The following SLFNL1 variants were observed in gnomAD, a reference collection of about 807,000 sequenced individuals.
SLFNL1 encodes schlafen-like protein 1.
Under a neutral mutation model 32.5 loss-of-function variants are expected in SLFNL1, and 26 were observed. The observed-to-expected ratio is 0.80, with a 90% CI of 0.59 to 1.11. The LOEUF is 1.11. SLFNL1 is among the 50% of genes least tolerant of loss of function. SLFNL1 has a pLI of 0.00. For missense variants in SLFNL1, 553 were observed against 546.5 expected (o/e 1.01, Z -0.12); for synonymous variants, 255 against 242.2 (o/e 1.05, Z -0.49).
chr1:41,020,502 A>G lies in SLFNL1; in HGVS notation c.159T>C (p.His53=). ...APSAHTLYVG[H]LNPQFSVPVL... ...CCGGCACTGAGAACTGGGGGTTCAGATGGCCCACATAGAGAGTGTGCGCCG... is the reference window on the plus strand; with the variant it reads ...CCGGCACTGAGAACTGGGGGTTCAGGTGGCCCACATAGAGAGTGTGCGCCG... The change falls in exon 3 of 6, where the codon CAT becomes CAC. Residue 53 remains histidine (H), a synonymous_variant. Coordinates refer to ENST00000302946, the MANE Select transcript of SLFNL1 (RefSeq NM_144990.4). 6.2e-7 allele frequency: 1 copy of G among 1,613,468 alleles called. No individual in the cohort carries two copies. The highest frequency in any genetic ancestry group is 8.5e-7 in the Non-Finnish European group (1 of 1,180,020).
chr1:41,017,543 G>T lies in SLFNL1; in HGVS notation c.957+92C>A. ...TCCTGTGGCCCCCAGTCCCGTCCCT[G>T]CCCCAGCACTGCCTGGCAGGAGTGC... On this transcript the variant is annotated intron_variant, in intron 4 of 5. Coordinates refer to ENST00000302946, the MANE Select transcript of SLFNL1 (RefSeq NM_144990.4). This position sits in a 1 kb window ranked among gnomAD's most constrained non-coding sequence, Gnocchi z 4.9. 6.7e-7 allele frequency: 1 copy of T among 1,495,212 alleles called. No individual in the cohort carries two copies. The highest frequency in any genetic ancestry group is 8.9e-7 in the Non-Finnish European group (1 of 1,121,974). The allele number at this position is 1,495,212 out of a possible 1,614,324, so 92.6% of individuals were successfully genotyped here. A position where few individuals can be genotyped will look rare whatever the true frequency, so the allele number is the denominator to read the frequency against.
At position 41,017,370 on chromosome 1, in the gene SLFNL1, C is replaced by T. The variant is rs147417110; in HGVS notation, c.965G>A (p.Arg322His). ...SETSVPLKVI[R>H]LTVHTPKAQS... ...GGCCTTGGGGGTGTGCACGGTCAGG[C>T]GGATCACCTTGGTAGGGGCAACAGC... is the stretch of plus-strand genomic sequence containing the variant. The change falls in exon 5 of 6, where the codon CGC becomes CAC. Residue 322 changes from arginine (R) to histidine (H), a missense_variant. Coordinates refer to ENST00000302946, the MANE Select transcript of SLFNL1 (RefSeq NM_144990.4). This position sits in a 1 kb window ranked among gnomAD's most constrained non-coding sequence, Gnocchi z 4.9. The T allele has an allele frequency of 1.7e-4, 275 of 1,612,740 alleles. No individual in the cohort carries two copies. Among genetic ancestry groups the T allele is most frequent in the Non-Finnish European group, 2.1e-4 (242 of 1,179,576 alleles).
rs1643741214 is a variant in SLFNL1, at chr1:41,020,358, G to A, written c.303C>T (p.His101=). The change falls in exon 3 of 6, where the codon CAC becomes CAT. Residue 101 remains histidine (H), a synonymous_variant. Coordinates refer to ENST00000302946, the MANE Select transcript of SLFNL1 (RefSeq NM_144990.4). ...AGGGGAGGGAGGCCAGGGTGTCCCT[G>A]TGGACAGTCACCTGCACCAGTGCAT... ...KAYALVQVTV[H]RDTLASLPWR... is the part of the protein sequence containing the mutation. 1.2e-6 allele frequency: 2 copies of A among 1,613,468 alleles called. No individual in the cohort carries two copies. The highest frequency in any genetic ancestry group is 4.5e-5 in the East Asian group (2 of 44,872).
chr1:41,016,139 G>T lies in SLFNL1; in HGVS notation c.1191C>A (p.His397Gln), dbSNP rs200527951. 1 of 1,614,144 alleles carries T rather than the reference G, an allele frequency of 6.2e-7. No individual in the cohort carries two copies. The highest frequency in any genetic ancestry group is 8.5e-7 in the Non-Finnish European group (1 of 1,179,988). Reference sequence around the variant, plus strand: ...CACAGCAGGTGCAGGACACAGGCCCGTGCTGCTGCAGCTGCTGCTGGAGCT... The same window carrying T: ...CACAGCAGGTGCAGGACACAGGCCCTTGCTGCTGCAGCTGCTGCTGGAGCT... ...KEQLQQQLQQ[H>Q]GPVSCTCCVL Residue 397 changes from histidine to glutamine, a missense_variant, in exon 6 of 6, where the codon CAC becomes CAA. Transcript: ENST00000302946.
chr1:41,018,567 A>G (rs1442012049), intron 3 of SLFNL1, among the ~76,000 whole-genome samples: 1 of 152,180 alleles, frequency 6.6e-6, no homozygotes, highest in Non-Finnish European at 1.5e-5. Flanking sequence ...ACAGAGCTGC[A>G]GTACCCTGAA....
chr1:41,020,077 TG>T, intron 3 of SLFNL1, 148 bp downstream of exon 3: 1 of 781,434 alleles, frequency 1.3e-6, no homozygotes, highest in Non-Finnish European at 2.0e-6. Context: ...CCGCAAGCCA[TG>T]GTCATTTGAG....
chr1:41,017,180 AG>A lies in SLFNL1; in HGVS notation c.1101+53del. The A allele has an allele frequency of 5.3e-6, 8 of 1,503,022 alleles. No individual in the cohort carries two copies. The highest frequency in any genetic ancestry group is 7.1e-6 in the Non-Finnish European group (8 of 1,128,358). 93.1% of individuals were successfully genotyped at this position (1,503,022 alleles called of 1,614,324 possible). The stretch of plus-strand genomic sequence containing the variant: ...CCTGGGCTGCTCAGTGGGTGGCTGA[AG>A]GGGTCTGGGGTCAGCTCCGCTCCAC... On this transcript the variant is annotated intron_variant, in intron 5 of 5. Coordinates refer to ENST00000302946, the MANE Select transcript of SLFNL1 (RefSeq NM_144990.4). This position sits in a 1 kb window ranked among gnomAD's most constrained non-coding sequence, Gnocchi z 4.9.
At position 41,015,714 on chromosome 1, in the gene SLFNL1, A is replaced by G. The variant is rs1383871260; in HGVS notation, c.*392T>C. On this transcript the variant is annotated 3_prime_UTR_variant, in exon 6 of 6. Coordinates refer to ENST00000302946, the MANE Select transcript of SLFNL1 (RefSeq NM_144990.4). ...CCACAGTCATCAAATATGCCTCGCCATCTTTGAGGGGCTTTCCTGAGATGA... is the reference window on the plus strand; with the variant it reads ...CCACAGTCATCAAATATGCCTCGCCGTCTTTGAGGGGCTTTCCTGAGATGA... The G allele has an allele frequency of 6.2e-6, 1 of 160,548 alleles. No homozygotes were observed. Among genetic ancestry groups the G allele is most frequent in the Non-Finnish European group, 1.4e-5 (1 of 74,050 alleles). 9.9% of individuals were successfully genotyped at this position (160,548 alleles called of 1,614,324 possible). A position where few individuals can be genotyped will look rare whatever the true frequency, so the allele number is the denominator to read the frequency against.
In SLFNL1 at chr1:41,016,181, C is replaced by G; in HGVS notation, c.1149G>C (p.Leu383=). Residue 383 remains leucine, a synonymous_variant, in exon 6 of 6, where the codon CTG becomes CTC. Coordinates refer to ENST00000302946, the MANE Select transcript of SLFNL1 (RefSeq NM_144990.4). ...LGKLEEKMKA[L]MMEKEQLQQQ... is the part of the protein sequence containing the mutation. ...GCTGGAGCTGCTCCTTCTCCATCAT[C>G]AGCGCCTTCATCTTCTCTTCCAGCT... 2 of 1,614,198 alleles carry G rather than the reference C, an allele frequency of 1.2e-6. No homozygotes were observed. Among genetic ancestry groups the G allele is most frequent in the Non-Finnish European group, 1.7e-6 (2 of 1,180,032 alleles).
At chr1:41,016,991 A>AGCCACTGCGCCTG in intron 5 of SLFNL1, 1 of 417,934 alleles carries the variant, frequency 2.4e-6, no homozygotes, top group South Asian at 5.1e-5. Context: ...TACAGGCGTG[A>AGCCACTGCGCCTG]GCCACTGCGC....
chr1:41,017,472 A>T lies in SLFNL1; in HGVS notation c.958-95T>A. Reference sequence around the variant, plus strand: ...GCTCAGCATTGCTCACTGATTCCTTAGGGCAGGCCAGCAGGGCTGGCACAG... The same window carrying T: ...GCTCAGCATTGCTCACTGATTCCTTTGGGCAGGCCAGCAGGGCTGGCACAG... On this transcript the variant is annotated intron_variant, in intron 4 of 5. Transcript: ENST00000302946. The surrounding 1 kb of genome is among the most constrained non-coding windows in gnomAD (Gnocchi z 4.9). The T allele has an allele frequency of 6.6e-7, 1 of 1,525,058 alleles. No homozygotes were observed. The highest frequency in any genetic ancestry group is 8.8e-7 in the Non-Finnish European group (1 of 1,137,730). The allele number at this position is 1,525,058 out of a possible 1,614,324, so 94.5% of individuals were successfully genotyped here.
In SLFNL1 at chr1:41,015,998, C is replaced by CCTCT. The variant is rs950569200; in HGVS notation, c.*104_*107dup. The CCTCT allele has an allele frequency of 4.8e-6, 7 of 1,446,194 alleles. No homozygotes were observed. In the Admixed American group the frequency reaches 6.8e-5, roughly 14 times the overall value. 89.6% of individuals were successfully genotyped at this position (1,446,194 alleles called of 1,614,324 possible). A position where few individuals can be genotyped will look rare whatever the true frequency, so the allele number is the denominator to read the frequency against. On this transcript the variant is annotated 3_prime_UTR_variant, in exon 6 of 6. Transcript: ENST00000302946. ...GCCATGTTGAAGGAGTCCCTGTCCG[C>CCTCT]CTCTCAGCAGCCCGCATGGGCTTTA...
Position 41,017,529 on chromosome 1 carries a change from C to G in SLFNL1, c.957+106G>C. The G allele has an allele frequency of 7.4e-6, 11 of 1,491,180 alleles. No individual in the cohort carries two copies. The highest frequency in any genetic ancestry group is 9.8e-6 in the Non-Finnish European group (11 of 1,119,574). The allele number at this position is 1,491,180 out of a possible 1,614,324, so 92.4% of individuals were successfully genotyped here. ...TCCCCAGCCTCTTCTCCTGTGGCCC[C>G]CAGTCCCGTCCCTGCCCCAGCACTG... is the stretch of plus-strand genomic sequence containing the variant. On this transcript the variant is annotated intron_variant, in intron 4 of 5. Coordinates refer to ENST00000302946, the MANE Select transcript of SLFNL1 (RefSeq NM_144990.4). The surrounding 1 kb of genome is among the most constrained non-coding windows in gnomAD (Gnocchi z 4.9).
In SLFNL1 at chr1:41,020,762, A is replaced by G; in HGVS notation, c.-102T>C. 9.1e-7 allele frequency: 1 copy of G among 1,093,794 alleles called. No homozygotes were observed. Among genetic ancestry groups the G allele is most frequent in the Non-Finnish European group, 1.3e-6 (1 of 764,908 alleles). The allele number at this position is 1,093,794 out of a possible 1,614,324, so 67.8% of individuals were successfully genotyped here. A position where few individuals can be genotyped will look rare whatever the true frequency, so the allele number is the denominator to read the frequency against. Reference sequence around the variant, plus strand: ...TGGCTTAAGGGCTCCCAGAGGACTCAGGGAGTGTCCCGGCTCCTGGGAGGT... The same window carrying G: ...TGGCTTAAGGGCTCCCAGAGGACTCGGGGAGTGTCCCGGCTCCTGGGAGGT... On this transcript the variant is annotated 5_prime_UTR_variant, in exon 3 of 6. The change abolishes the stop of an existing upstream ORF in the 5' untranslated region. Transcript: ENST00000302946.
chr1:41,016,465 C>T, intron 5 of SLFNL1: 1 of 551,184 alleles, frequency 1.8e-6, no homozygotes, highest in Non-Finnish European at 3.2e-6. Context: ...GGCCATGTGC[C>T]TCCTCACTGT....
In SLFNL1 at chr1:41,017,088, G is replaced by T; in HGVS notation, c.1101+146C>A. ...CTACCCGCGGAGTATGGGATGTGGT[G>T]TGATTGTATTCCAACCCCTTGGGTT... On this transcript the variant is annotated intron_variant, in intron 5 of 5. Coordinates refer to ENST00000302946, the MANE Select transcript of SLFNL1 (RefSeq NM_144990.4). The surrounding 1 kb of genome is among the most constrained non-coding windows in gnomAD (Gnocchi z 4.9). 1 of 968,996 alleles carries T rather than the reference G, an allele frequency of 1.0e-6. No homozygotes were observed. The highest frequency in any genetic ancestry group is 1.5e-6 in the Non-Finnish European group (1 of 678,922). The allele number at this position is 968,996 out of a possible 1,614,324, so 60.0% of individuals were successfully genotyped here. A position where few individuals can be genotyped will look rare whatever the true frequency, so the allele number is the denominator to read the frequency against.
rs780674307 is a variant in SLFNL1, at chr1:41,020,378, GT to G, written c.282del (p.Leu95TrpfsTer4). 1 of 1,613,318 alleles carries G rather than the reference GT, an allele frequency of 6.2e-7. No homozygotes were observed. The highest frequency in any genetic ancestry group is 8.5e-7 in the Non-Finnish European group (1 of 1,180,040). ...EVVRRPRKAY[A>X]LVQVTVHRDT... ...TCCCTGTGGACAGTCACCTGCACCA[GT>G]GCATAGGCCTTCCGCGGCCGCCTCA... is the stretch of plus-strand genomic sequence containing the variant. On this transcript the variant is annotated frameshift_variant, in exon 3 of 6. Transcript: ENST00000302946. LOFTEE classifies it high-confidence loss of function.
At position 41,015,830 on chromosome 1, in the gene SLFNL1, T is replaced by C. The variant is rs926586388; in HGVS notation, c.*276A>G. ...TTTTAGGGAGAAGGACAATCCCTTA[T>C]AGCTTAGCCCTAGGGGAGCTCTGGG... On this transcript the variant is annotated 3_prime_UTR_variant, in exon 6 of 6. Coordinates refer to ENST00000302946, the MANE Select transcript of SLFNL1 (RefSeq NM_144990.4). 18 of 307,328 alleles carry C rather than the reference T, an allele frequency of 5.9e-5. No homozygotes were observed. In the East Asian group the frequency reaches 9.5e-4, roughly 16 times the overall value. The allele number at this position is 307,328 out of a possible 1,614,324, so 19.0% of individuals were successfully genotyped here.
In SLFNL1 at chr1:41,018,161, G is replaced by T. The variant is rs768996233; in HGVS notation, c.436-5C>A. On this transcript the variant is annotated splice_polypyrimidine_tract_variant and splice_region_variant and intron_variant, in intron 3 of 5. Coordinates refer to ENST00000302946, the MANE Select transcript of SLFNL1 (RefSeq NM_144990.4). ...CTCCTCCTCCTCCTCCTTCTCCTAGGGTGGTAGTCAAGAATGAATGTATGG... is the reference window on the plus strand; with the variant it reads ...CTCCTCCTCCTCCTCCTTCTCCTAGTGTGGTAGTCAAGAATGAATGTATGG... 3 of 1,466,840 alleles carry T rather than the reference G, an allele frequency of 2.0e-6. No homozygotes were observed. Among genetic ancestry groups the T allele is most frequent in the African/African-American group, 1.4e-5 (1 of 70,854 alleles). The allele number at this position is 1,466,840 out of a possible 1,614,324, so 90.9% of individuals were successfully genotyped here. A position where few individuals can be genotyped will look rare whatever the true frequency, so the allele number is the denominator to read the frequency against.
Sources: gnomAD v4.1 joint callset for allele counts (sites outside exome capture counted in the v4.1 genomes callset) on GRCh38, gnomAD v4.1.1 for gene constraint, Gnocchi (gnomAD v3.1) non-coding constraint, MANE v1.5 for transcripts, NCBI Gene and HGNC (gene_info 2026-07-23, HGNC 2026-07-21) for gene names.